COMMD10: variants seen among roughly 807,000 people sequenced by gnomAD.
COMMD10 encodes COMM domain-containing protein 10.
A neutral mutation model predicts 28.9 loss-of-function variants in COMMD10; 33 were observed. That is an observed-to-expected ratio of 1.14 (90% CI 0.87 to 1.53). COMMD10 has a LOEUF of 1.53. COMMD10 is among the 40% of genes most tolerant of loss of function. COMMD10 has a pLI of 0.00. For missense variants in COMMD10, 310 were observed against 233.4 expected (o/e 1.33, Z -2.14); for synonymous variants, 110 against 81.7 (o/e 1.35, Z -1.87).
chr5:116,128,390 A>T (rs146563169), intron 4 of COMMD10, among the ~76,000 whole-genome samples: 4 of 152,148 alleles, frequency 2.6e-5, no homozygotes, highest in African/African-American at 4.8e-5. Context: ...TTTTGATCAT[A>T]TTTAAACCTA....
intron 5 of COMMD10, among the ~76,000 whole-genome samples, chr5:116,202,121 A>G (rs920624363): frequency 4.1e-5 from 6 of 145,866 alleles, no homozygotes; most frequent in South Asian, 2.2e-4. Flanking sequence ...CCACCTATGA[A>G]TGAGAACATG....
At chr5:116,215,961 G>A (rs1159735957) in intron 5 of COMMD10, among the ~76,000 whole-genome samples, 2 of 151,548 alleles carry the variant, frequency 1.3e-5, no homozygotes, top group Non-Finnish European at 2.9e-5. Context: ...TTAATATAGA[G>A]GTCAAAATAG....
chr5:116,257,799 A>T (rs1323724482), intron 5 of COMMD10, among the ~76,000 whole-genome samples: 1 of 151,816 alleles, frequency 6.6e-6, no homozygotes, highest in Non-Finnish European at 1.5e-5. Context: ...AAATTTTAAG[A>T]TTCTTATATG....
intron 5 of COMMD10, among the ~76,000 whole-genome samples, chr5:116,162,249 T>C (rs915827262): frequency 6.6e-6 from 1 of 152,202 alleles, no homozygotes; most frequent in African/African-American, 2.4e-5. Context: ...GCATAATAGC[T>C]ACCCACTCAG....
chr5:116,234,592 A>G (rs929654487), intron 5 of COMMD10, among the ~76,000 whole-genome samples: 2 of 152,176 alleles, frequency 1.3e-5, no homozygotes, highest in African/African-American at 4.8e-5. Context: ...GTAAAGTAAA[A>G]TTCAGTGTTC....
rs148724242 is a variant in COMMD10, at chr5:116,229,691, A to G, written c.511-61826A>G. 4.8e-3 allele frequency among the ~76,000 whole-genome samples: 733 copies of G among 152,192 alleles called. 7 individuals carry two copies. Among genetic ancestry groups the G allele is most frequent in the African/African-American group, 0.015 (623 of 41,552 alleles). On this transcript the variant is annotated intron_variant, in intron 5 of 6. Transcript: ENST00000274458. ...AGAAAACAAATTATGACAGTATATA[A>G]TTGAGTGTACAGTTGTTCATGCAAC... is the stretch of plus-strand genomic sequence containing the variant.
intron 5 of COMMD10, among the ~76,000 whole-genome samples, chr5:116,134,914 C>T (rs372003328): frequency 6.7e-6 from 1 of 149,852 alleles, no homozygotes; most frequent in African/African-American, 2.4e-5. Flanking sequence ...AGCCACCGCG[C>T]CCGGCCTACA....
intron 5 of COMMD10, among the ~76,000 whole-genome samples, chr5:116,203,051 A>G (rs1748712319): frequency 6.6e-6 from 1 of 151,918 alleles, no homozygotes; most frequent in Non-Finnish European, 1.5e-5. Context: ...TCCATCTTGA[A>G]TTGATTTTTG....
intron 4 of COMMD10, among the ~76,000 whole-genome samples, chr5:116,112,140 C>A (rs115276134): frequency 6.6e-6 from 1 of 152,120 alleles, no homozygotes; most frequent in Admixed American, 6.5e-5. Flanking sequence ...AATAATCTGT[C>A]TGGGAAAGAA....
chr5:116,244,521 G>A (rs116725073), intron 5 of COMMD10, among the ~76,000 whole-genome samples: 2,008 of 151,854 alleles, frequency 0.013, 53 homozygotes, highest in African/African-American at 0.046. Flanking sequence ...AGATGTTCAA[G>A]AGCTATGGGG....
chr5:116,167,945 T>C (rs570678292), intron 5 of COMMD10, among the ~76,000 whole-genome samples: 1 of 152,114 alleles, frequency 6.6e-6, no homozygotes, highest in African/African-American at 2.4e-5. Flanking sequence ...AATAACCAGC[T>C]ACTGTCATAA....
At chr5:116,244,034 C>T (rs958957808) in intron 5 of COMMD10, among the ~76,000 whole-genome samples, 1 of 151,250 alleles carries the variant, frequency 6.6e-6, no homozygotes, top group African/African-American at 2.4e-5. Flanking sequence ...GATGTCTATA[C>T]ACACACACAT....
At chr5:116,120,627 A>G (rs1751399486) in intron 4 of COMMD10, among the ~76,000 whole-genome samples, 1 of 152,156 alleles carries the variant, frequency 6.6e-6, no homozygotes, top group South Asian at 2.1e-4. Context: ...TTCTGTCACT[A>G]TAGATGGCAT....
chr5:116,121,937 G>A (rs576725706), intron 4 of COMMD10, among the ~76,000 whole-genome samples: 84 of 152,262 alleles, frequency 5.5e-4, no homozygotes, highest in African/African-American at 2.0e-3. Flanking sequence ...TAGGTTGCCT[G>A]TTCACTCTGA....
chr5:116,124,780 T>C (rs1580465837), intron 4 of COMMD10, among the ~76,000 whole-genome samples: 1 of 152,210 alleles, frequency 6.6e-6, no homozygotes, highest in African/African-American at 2.4e-5. Context: ...ATATTTAGGA[T>C]AGTTAGCTCT....
Position 116,130,864 on chromosome 5 carries a change from AATAAGT to A in COMMD10, c.400-3199_400-3194del, listed in dbSNP as rs142676802. On this transcript the variant is annotated intron_variant, in intron 4 of 6. Transcript: ENST00000274458. ...TCTAATAATTTTCTAAAATGAACAT[AATAAGT>A]ATAACATTGTAAATATTTAAAATAT... Among the ~76,000 whole-genome samples the A allele has an allele frequency of 1.1e-3, 173 of 152,140 alleles. No individual in the cohort carries two copies. The East Asian group carries it at 0.019, about 16-fold the overall frequency.
At chr5:116,217,507 T>C (rs1359348038) in intron 5 of COMMD10, among the ~76,000 whole-genome samples, 3 of 152,120 alleles carry the variant, frequency 2.0e-5, no homozygotes, top group Non-Finnish European at 4.4e-5. Flanking sequence ...GCAGAATTTA[T>C]CTGAAGATCC....
chr5:116,168,544 G>T (rs936183434), intron 5 of COMMD10, among the ~76,000 whole-genome samples: 1 of 151,958 alleles, frequency 6.6e-6, no homozygotes, highest in East Asian at 1.9e-4. Context: ...TCTCAGCACT[G>T]CATCCCGCAC....
intron 4 of COMMD10, among the ~76,000 whole-genome samples, chr5:116,100,120 G>C (rs996103786): frequency 1.3e-5 from 2 of 152,112 alleles, no homozygotes; most frequent in Admixed American, 6.5e-5. Flanking sequence ...TATGAGATCA[G>C]GTGGGAAATT....
Sources: allele counts gnomAD v4.1 joint callset (sites outside exome capture counted in the v4.1 genomes callset), GRCh38; gene constraint gnomAD v4.1.1; transcripts MANE v1.5; gene names NCBI Gene and HGNC (gene_info 2026-07-23, HGNC 2026-07-21).